Variants in ABCG2 observed in about 807,000 individuals in gnomAD.
ABCG2 encodes the protein broad substrate specificity ATP-binding cassette transporter ABCG2.
A neutral mutation model predicts 73.5 loss-of-function variants in ABCG2; 80 were observed. The observed-to-expected ratio is 1.09, with a 90% confidence interval of 0.91 to 1.31. The LOEUF (loss-of-function observed/expected upper bound fraction) is 1.31, where lower values mean the gene tolerates loss of function less well. Among genes scored for constraint, ABCG2 ranks in the 50% most tolerant of loss-of-function variants. ABCG2 has a pLI of 0.00. For synonymous variants in ABCG2, 269 were observed against 282.4 expected (o/e 0.95, Z 0.48); for missense variants, 796 against 786.2 (o/e 1.01, Z -0.15).
chr4:88,185,940 A>G (rs901578462), intron 1 of ABCG2, among the ~76,000 whole-genome samples: 3 of 152,196 alleles, frequency 2.0e-5, no homozygotes, highest in Non-Finnish European at 4.4e-5. Context: ...TATGGAGAAT[A>G]GTTTGGAGGT....
At chr4:88,120,444 A>G (rs1054723051) in intron 6 of ABCG2, among the ~76,000 whole-genome samples, 3 of 152,210 alleles carry the variant, frequency 2.0e-5, no homozygotes, top group African/African-American at 7.2e-5. Context: ...CTGTGAAATC[A>G]GCCACAAAAG....
At chr4:88,112,832 A>T (rs1723231613) in intron 9 of ABCG2, among the ~76,000 whole-genome samples, 1 of 152,212 alleles carries the variant, frequency 6.6e-6, no homozygotes, top group South Asian at 2.1e-4. Flanking sequence ...GAACCTGGCC[A>T]GATGTGGTGG....
chr4:88,121,493 C>A (rs1008316906), intron 6 of ABCG2, 142 bp downstream of exon 6: 3 of 842,404 alleles, frequency 3.6e-6, no homozygotes, highest in Non-Finnish European at 3.6e-6. Flanking sequence ...CTTGATAATG[C>A]TTTTCATTTG....
intron 1 of ABCG2, among the ~76,000 whole-genome samples, chr4:88,202,372 A>ATATATATATATATATATATATATATG (rs1473127662): frequency 2.5e-5 from 3 of 119,768 alleles, no homozygotes; most frequent in Middle Eastern, 3.6e-3. Flanking sequence ...ATATATATAT[A>ATATATATATATATATATATATATATG]TATATGTATA....
chr4:88,179,324 A>G (rs746616309), intron 1 of ABCG2, among the ~76,000 whole-genome samples: 17 of 152,216 alleles, frequency 1.1e-4, no homozygotes, highest in Non-Finnish European at 1.9e-4. Flanking sequence ...TGAGTCTGCA[A>G]GAGCCACAGC....
intron 12 of ABCG2, among the ~76,000 whole-genome samples, chr4:88,098,673 T>TAGAC (rs973405584): frequency 2.6e-5 from 4 of 151,296 alleles, no homozygotes; most frequent in African/African-American, 9.7e-5. Flanking sequence ...GATAGATAGA[T>TAGAC]AGATAGATAG....
intron 6 of ABCG2, among the ~76,000 whole-genome samples, chr4:88,118,752 C>T (rs1439823202): frequency 6.6e-6 from 1 of 152,150 alleles, no homozygotes; most frequent in Non-Finnish European, 1.5e-5. Flanking sequence ...TAACTGAGTA[C>T]TTACTATGTC....
chr4:88,169,984 G>A (rs1046667825), intron 1 of ABCG2, among the ~76,000 whole-genome samples: 1 of 151,930 alleles, frequency 6.6e-6, no homozygotes, highest in East Asian at 1.9e-4. Context: ...GGTGGCATGC[G>A]CCTGTAGTCC....
upstream of ABCG2, chr4:88,158,649 C>A: frequency 2.2e-6 from 1 of 456,314 alleles, no homozygotes; most frequent in South Asian, 1.5e-5. Flanking sequence ...TGCCTCTTCC[C>A]TCCTGCGCGC....
chr4:88,135,836 G>A (rs1725212763), intron 2 of ABCG2, among the ~76,000 whole-genome samples: 1 of 152,166 alleles, frequency 6.6e-6, no homozygotes, highest in Admixed American at 6.5e-5. Flanking sequence ...AGAGATAGCT[G>A]GAGGGTGGGG....
intron 1 of ABCG2, among the ~76,000 whole-genome samples, chr4:88,191,245 C>G (rs1728680116): frequency 7.0e-6 from 1 of 142,584 alleles, no homozygotes; most frequent in Admixed American, 7.0e-5. Flanking sequence ...GCACTCCAGC[C>G]TGGGCGACAG....
intron 1 of ABCG2, among the ~76,000 whole-genome samples, chr4:88,203,160 C>T (rs1179820104): frequency 6.6e-6 from 1 of 151,962 alleles, no homozygotes; most frequent in Non-Finnish European, 1.5e-5. Context: ...GAGGGTAATT[C>T]AAAACATTGT....
intron 1 of ABCG2, among the ~76,000 whole-genome samples, chr4:88,152,945 A>G (rs890952029): frequency 2.0e-5 from 3 of 152,138 alleles, no homozygotes; most frequent in Admixed American, 6.5e-5. Context: ...TTGTTAGAAG[A>G]AACAATTGTC....
At chr4:88,224,499 T>TA (rs1730127774) in intron 1 of ABCG2, among the ~76,000 whole-genome samples, 1 of 129,344 alleles carries the variant, frequency 7.7e-6, no homozygotes, top group Non-Finnish European at 1.6e-5. Context: ...CTTTTTTGTT[T>TA]GTTTTTTTTT....
Position 88,097,581 on chromosome 4 carries a change from A to G in ABCG2, c.1519T>C (p.Phe507Leu), listed in dbSNP as rs373210773. Residue 507 changes from phenylalanine to leucine, a missense_variant, in exon 13 of 16, where the codon TTC becomes CTC. Physicochemically the swap from Phe to Leu is conservative, Grantham distance 22 (BLOSUM62 0). Transcript: ENST00000237612. ...ATCATAAGGGTAAACATCATAACGA[A>G]GAAGGCATCTGCCTTTGGCTTCAAT... Reference protein sequence around the residue: ...LGLKPKADAFFVMMFTLMMVA... With the variant: ...LGLKPKADAFLVMMFTLMMVA... The G allele has an allele frequency of 1.9e-6, 3 of 1,614,012 alleles. No individual in the cohort carries two copies. Among genetic ancestry groups the G allele is most frequent in the Non-Finnish European group, 2.5e-6 (3 of 1,179,974 alleles).
chr4:88,118,160 G>A lies in ABCG2; in HGVS notation c.790C>T (p.Leu264Phe), dbSNP rs755263576. Reference protein sequence around the residue: ...DSLTLLASGRLMFHGPAQEAL... With the variant: ...DSLTLLASGRFMFHGPAQEAL... Reference sequence around the variant, plus strand: ...TCCTGAGCAGGCCCGTGGAACATAAGTCTTCCTGAGGCCAATAAGGTGAGG... The same window carrying A: ...TCCTGAGCAGGCCCGTGGAACATAAATCTTCCTGAGGCCAATAAGGTGAGG... The change falls in exon 7 of 16, where the codon CTT becomes TTT. Residue 264 changes from leucine to phenylalanine, a missense_variant. By Grantham distance (22) the Leu-to-Phe change is conservative. Transcript: ENST00000237612. 4.3e-6 allele frequency: 7 copies of A among 1,614,004 alleles called. No individual in the cohort carries two copies. Among genetic ancestry groups the A allele is most frequent in the Non-Finnish European group, 5.9e-6 (7 of 1,179,990 alleles).
rs776264321 is a variant in ABCG2 at position 88,095,571 on chromosome 4, T to G, written c.1686A>C (p.Ala562=). The G allele has an allele frequency of 1.5e-5, 24 of 1,613,688 alleles. No homozygotes were observed. The highest frequency in any genetic ancestry group is 1.9e-5 in the Non-Finnish European group (23 of 1,179,762). ...SGLLVNLTTI[A]SWLSWLQYFS... ...AGTACTGAAGCCATGACAGCCAAGA[T>G]GCAATGGTTGTGAGATTGACCAACA... is the stretch of plus-strand genomic sequence containing the variant. Residue 562 remains alanine, a synonymous_variant, in exon 14 of 16, where the codon GCA becomes GCC. Transcript: ENST00000237612.
chr4:88,119,838 T>G (rs1458035439), intron 6 of ABCG2, among the ~76,000 whole-genome samples: 1 of 152,098 alleles, frequency 6.6e-6, no homozygotes, highest in East Asian at 1.9e-4. Context: ...GCATACAAGC[T>G]CAGAAAATTT....
intron 12 of ABCG2, among the ~76,000 whole-genome samples, chr4:88,098,675 G>GATAGATAGATAGATAA (rs1722171862): frequency 6.6e-6 from 1 of 151,664 alleles, no homozygotes; most frequent in Non-Finnish European, 1.5e-5. Context: ...TAGATAGATA[G>GATAGATAGATAGATAA]ATAGATAGAT....
Sources: allele counts gnomAD v4.1 joint callset (sites outside exome capture counted in the v4.1 genomes callset), GRCh38; gene constraint gnomAD v4.1.1; transcripts MANE v1.5; gene names NCBI Gene and HGNC (gene_info 2026-07-23, HGNC 2026-07-21).